The following PALS2 variants were observed in gnomAD, a reference collection of about 807,000 sequenced individuals.
PALS2 encodes the protein protein associated with LIN7 2, MAGUK p55 family member.
Under a neutral mutation model 61.6 loss-of-function variants are expected in PALS2, and 27 were observed. That is an observed-to-expected ratio of 0.44 (90% CI 0.32 to 0.60). The LOEUF is 0.60. Among genes scored for constraint, PALS2 ranks in the 20% least tolerant of loss-of-function variants. PALS2 has a pLI of 0.05. For missense variants in PALS2, 554 were observed against 639.4 expected (o/e 0.87, Z 1.44); for synonymous variants, 236 against 218.6 (o/e 1.08, Z -0.70).
At chr7:24,598,745 G>A (rs983287412) in intron 1 of PALS2, among the ~76,000 whole-genome samples, 20 of 152,104 alleles carry the variant, frequency 1.3e-4, no homozygotes, top group Non-Finnish European at 2.5e-4. Context: ...TCTAATATTT[G>A]GACTATGTTT....
intron 5 of PALS2, among the ~76,000 whole-genome samples, chr7:24,651,577 G>A (rs942916316): frequency 7.2e-5 from 11 of 152,196 alleles, no homozygotes; most frequent in African/African-American, 1.4e-4. Flanking sequence ...TGGTGATGAC[G>A]CAGTAGTGGT....
chr7:24,588,031 G>T (rs1783139564), intron 1 of PALS2, among the ~76,000 whole-genome samples: 1 of 152,132 alleles, frequency 6.6e-6, no homozygotes, highest in South Asian at 2.1e-4. Flanking sequence ...CTGGGGTGGG[G>T]TGCTACTGAC....
intron 2 of PALS2, among the ~76,000 whole-genome samples, chr7:24,635,868 A>C (rs192343927): frequency 6.6e-6 from 1 of 152,226 alleles, no homozygotes; most frequent in Admixed American, 6.5e-5. Context: ...ATCTTGCTAC[A>C]TGTTATTTTG....
chr7:24,641,613 C>A, intron 2 of PALS2, 103 bp from the exon 3 acceptor site: 1 of 1,015,036 alleles, frequency 9.9e-7, no homozygotes, highest in Non-Finnish European at 1.4e-6. Flanking sequence ...TGAATTAAAT[C>A]TCCAAGTAAT....
chr7:24,624,714 C>T (rs538722203), intron 2 of PALS2, among the ~76,000 whole-genome samples: 2 of 146,904 alleles, frequency 1.4e-5, no homozygotes, highest in East Asian at 4.3e-4. Context: ...TCAAGTGATT[C>T]TCCTGCCTCA....
rs977176136 is a variant in PALS2, at chr7:24,687,871, G to A, written c.*257G>A. ...CTATTCATATCACATAAAGAAATGC[G>A]TTGAAGCATTTTGTATATGTTTTGA... is the stretch of plus-strand genomic sequence containing the variant. On this transcript the variant is annotated 3_prime_UTR_variant, in exon 12 of 12. Transcript: ENST00000222644. The surrounding 1 kb of genome is among the most constrained non-coding windows in gnomAD (Gnocchi z 4.5). 9.0e-5 allele frequency: 26 copies of A among 287,536 alleles called. No homozygotes were observed. The South Asian group carries it at 9.3e-4, about 10-fold the overall frequency. The allele number at this position is 287,536 out of a possible 1,614,324, so 17.8% of individuals were successfully genotyped here. A position where few individuals can be genotyped will look rare whatever the true frequency, so the allele number is the denominator to read the frequency against.
rs1380912252 is a variant in PALS2 at position 24,693,361 on chromosome 7, C to T, written c.*5747C>T. The stretch of plus-strand genomic sequence containing the variant: ...ATATGAAATTTGGCTCTCCTCCTAT[C>T]AAAGTAGCCTAGGAGCTTGGAGGAA... On this transcript the variant is annotated 3_prime_UTR_variant, in exon 12 of 12. Transcript: ENST00000222644. 1 of 152,136 alleles carries T rather than the reference C, an allele frequency of 6.6e-6. No homozygotes were observed. Among genetic ancestry groups the T allele is most frequent in the African/African-American group, 2.4e-5 (1 of 41,428 alleles). 9.4% of individuals were successfully genotyped at this position (152,136 alleles called of 1,614,324 possible).
intron 1 of PALS2, chr7:24,589,505 T>G (rs1783202891): frequency 6.6e-6 from 1 of 152,206 alleles, no homozygotes; most frequent in Non-Finnish European, 1.5e-5. Context: ...CCTGTTTTAA[T>G]TCTGGAGATA....
At chr7:24,575,070 C>T (rs1782594865) in intron 1 of PALS2, among the ~76,000 whole-genome samples, 1 of 152,080 alleles carries the variant, frequency 6.6e-6, no homozygotes, top group South Asian at 2.1e-4. Flanking sequence ...TGTTTAAATG[C>T]GTGTTTGCAC....
chr7:24,578,915 T>C (rs1782736850), intron 1 of PALS2, among the ~76,000 whole-genome samples: 1 of 152,178 alleles, frequency 6.6e-6, no homozygotes, highest in South Asian at 2.1e-4. Context: ...AGAAAAGAAA[T>C]GTGATATCTT....
At chr7:24,629,698 A>G (rs1784911560) in intron 2 of PALS2, among the ~76,000 whole-genome samples, 1 of 152,204 alleles carries the variant, frequency 6.6e-6, no homozygotes, top group Non-Finnish European at 1.5e-5. Context: ...AAAAGAAGAC[A>G]TTTATGCAGC....
intron 5 of PALS2, among the ~76,000 whole-genome samples, chr7:24,651,085 C>G (rs1421601518): frequency 1.3e-5 from 2 of 151,848 alleles, no homozygotes; most frequent in Admixed American, 6.6e-5. Flanking sequence ...TCACCTCCAG[C>G]TTAGTGTTTG....
intron 2 of PALS2, among the ~76,000 whole-genome samples, chr7:24,640,811 A>G (rs1372847497): frequency 6.6e-6 from 1 of 152,006 alleles, no homozygotes; most frequent in Non-Finnish European, 1.5e-5. Context: ...GATCAAGACC[A>G]TCCTGGCTAA....
intron 1 of PALS2, among the ~76,000 whole-genome samples, chr7:24,591,865 A>G (rs1054406338): frequency 2.0e-5 from 3 of 152,122 alleles, no homozygotes; most frequent in Admixed American, 6.6e-5. Context: ...AGCTTGTCTA[A>G]TATGTACATT....
At chr7:24,626,592 A>G (rs1298077588) in intron 2 of PALS2, among the ~76,000 whole-genome samples, 2 of 152,210 alleles carry the variant, frequency 1.3e-5, no homozygotes, top group African/African-American at 4.8e-5. Context: ...CAAATTGGAT[A>G]AAGAATCAAG....
chr7:24,693,704 C>G lies in PALS2; in HGVS notation c.*6090C>G, dbSNP rs147417252. 4.0e-4 allele frequency: 61 copies of G among 152,230 alleles called. No homozygotes were observed. Among genetic ancestry groups the G allele is most frequent in the African/African-American group, 1.3e-3 (54 of 41,548 alleles). The allele number at this position is 152,230 out of a possible 1,614,324, so 9.4% of individuals were successfully genotyped here. ...TCTCTGTATTCTCTTTTAAAAAGAA[C>G]TGCTGACTGGCTCCTGTCTCTTCAG... On this transcript the variant is annotated 3_prime_UTR_variant, in exon 12 of 12. Coordinates refer to ENST00000222644, the MANE Select transcript of PALS2 (RefSeq NM_001303037.2).
intron 9 of PALS2, among the ~76,000 whole-genome samples, chr7:24,672,375 C>A (rs13231002): frequency 6.6e-6 from 1 of 151,660 alleles, no homozygotes; most frequent in South Asian, 2.1e-4. Context: ...TTACAGGCAC[C>A]CACCATCCTG....
intron 5 of PALS2, among the ~76,000 whole-genome samples, chr7:24,655,791 G>T (rs1021481156): frequency 2.6e-5 from 4 of 151,882 alleles, no homozygotes; most frequent in African/African-American, 9.7e-5. Context: ...CTTCCAAGAA[G>T]CTGGGACTAC....
chr7:24,575,109 C>T (rs549242668), intron 1 of PALS2, among the ~76,000 whole-genome samples: 1 of 152,144 alleles, frequency 6.6e-6, no homozygotes, highest in African/African-American at 2.4e-5. Flanking sequence ...GTCCATGTTT[C>T]CTTCATTCTG....
Sources: gnomAD v4.1 joint callset for allele counts (sites outside exome capture counted in the v4.1 genomes callset) on GRCh38, gnomAD v4.1.1 for gene constraint, Gnocchi (gnomAD v3.1) non-coding constraint, MANE v1.5 for transcripts, NCBI Gene and HGNC (gene_info 2026-07-23, HGNC 2026-07-21) for gene names.